CPNE4: variants seen among roughly 807,000 people sequenced by gnomAD.
CPNE4 encodes the protein copine 4.
CPNE4 carries 25 observed loss-of-function variants against 67.9 expected under a neutral mutation model. The observed-to-expected ratio is 0.37, with a 90% confidence interval of 0.27 to 0.51. CPNE4 has a LOEUF of 0.51. Ranked by LOEUF, CPNE4 falls within the 20% of genes least tolerant of loss-of-function variation. The pLI is 0.93. For synonymous variants in CPNE4, 242 were observed against 244.9 expected (o/e 0.99, Z 0.11); for missense variants, 464 against 690.8 (o/e 0.67, Z 3.68).
At chr3:132,016,042 G>A (rs2073882964) in intron 1 of CPNE4, among the ~76,000 whole-genome samples, 1 of 151,614 alleles carries the variant, frequency 6.6e-6, no homozygotes, top group African/African-American at 2.4e-5. Context: ...ATATCAATGA[G>A]TAAGAAAATT....
chr3:131,946,102 A>C (rs1395789401), intron 1 of CPNE4, among the ~76,000 whole-genome samples: 1 of 152,172 alleles, frequency 6.6e-6, no homozygotes, highest in Non-Finnish European at 1.5e-5. Flanking sequence ...TTATGCAACT[A>C]CCACCTCTAT....
At chr3:131,741,583 GA>G (rs1162518167) in intron 2 of CPNE4, among the ~76,000 whole-genome samples, 1 of 152,136 alleles carries the variant, frequency 6.6e-6, no homozygotes, top group African/African-American at 2.4e-5. Context: ...TAAGTTTTCT[GA>G]AAAATCTTAC....
intron 2 of CPNE4, among the ~76,000 whole-genome samples, chr3:131,814,555 T>G (rs1355989313): frequency 7.0e-6 from 1 of 142,358 alleles, no homozygotes; most frequent in South Asian, 2.3e-4. Context: ...AATGGAAGCA[T>G]AAAATATTGA....
chr3:131,631,145 C>T (rs1287073540), intron 7 of CPNE4, among the ~76,000 whole-genome samples: 1 of 152,106 alleles, frequency 6.6e-6, no homozygotes, highest in Non-Finnish European at 1.5e-5. Context: ...ATATGGCTAC[C>T]CTTGACCTTT....
At chr3:131,638,816 G>A (rs1419077412) in intron 7 of CPNE4, among the ~76,000 whole-genome samples, 2 of 152,032 alleles carry the variant, frequency 1.3e-5, no homozygotes, top group African/African-American at 4.8e-5. Flanking sequence ...ATTATATCAA[G>A]TACTCTCTCA....
At chr3:131,615,164 C>T (rs1381602151) in intron 7 of CPNE4, among the ~76,000 whole-genome samples, 1 of 152,170 alleles carries the variant, frequency 6.6e-6, no homozygotes, top group African/African-American at 2.4e-5. Flanking sequence ...TTGAGAACCA[C>T]TGTCTTAGAT....
intron 1 of CPNE4, among the ~76,000 whole-genome samples, chr3:132,014,073 A>T (rs901334860): frequency 2.6e-5 from 4 of 152,144 alleles, no homozygotes; most frequent in Non-Finnish European, 5.9e-5. Context: ...CCACTCTCCC[A>T]TGATGTAGAG....
intron 2 of CPNE4, among the ~76,000 whole-genome samples, chr3:131,770,744 A>G (rs778254771): frequency 1.3e-5 from 2 of 152,218 alleles, no homozygotes; most frequent in Non-Finnish European, 2.9e-5. Context: ...CCTAAGGTCC[A>G]GTTTATACTG....
intron 3 of CPNE4, among the ~76,000 whole-genome samples, chr3:131,710,483 G>A (rs868650042): frequency 1.1e-4 from 17 of 152,294 alleles, no homozygotes; most frequent in Middle Eastern, 6.8e-3. Context: ...GGGAAGAACT[G>A]CTACTCTACC....
At chr3:131,977,691 A>C (rs116354387) in intron 1 of CPNE4, among the ~76,000 whole-genome samples, 1,568 of 152,166 alleles carry the variant, frequency 0.01, 11 homozygotes, top group Non-Finnish European at 0.017. Flanking sequence ...TTTATTAAAA[A>C]TATTTTTTCA....
chr3:131,950,377 TA>T (rs918764440), intron 1 of CPNE4, among the ~76,000 whole-genome samples: 5 of 152,194 alleles, frequency 3.3e-5, no homozygotes, highest in African/African-American at 1.2e-4. Flanking sequence ...GCACTACTCT[TA>T]GGGGCCACTT....
At chr3:131,826,967 T>C (rs2085184341) in intron 2 of CPNE4, among the ~76,000 whole-genome samples, 1 of 152,098 alleles carries the variant, frequency 6.6e-6, no homozygotes, top group African/African-American at 2.4e-5. Context: ...AGCCCAGGAA[T>C]TTGAGGTTGC....
intron 7 of CPNE4, among the ~76,000 whole-genome samples, chr3:131,591,403 G>C (rs2038223937): frequency 6.6e-6 from 1 of 152,090 alleles, no homozygotes; most frequent in African/African-American, 2.4e-5. Flanking sequence ...TTCTTTAGGG[G>C]ACAGGGCACA....
At chr3:131,821,088 C>G (rs901227426) in intron 2 of CPNE4, among the ~76,000 whole-genome samples, 51 of 152,148 alleles carry the variant, frequency 3.4e-4, no homozygotes, top group African/African-American at 1.2e-3. Context: ...ATATTTGCCC[C>G]AGAAAACTGA....
chr3:131,901,279 G>T (rs2088542280), intron 2 of CPNE4, among the ~76,000 whole-genome samples: 1 of 152,094 alleles, frequency 6.6e-6, no homozygotes, highest in African/African-American at 2.4e-5. Flanking sequence ...AAAGCAGGAA[G>T]ATATTATTTC....
chr3:131,879,090 T>A (rs193235879), intron 2 of CPNE4, among the ~76,000 whole-genome samples: 74 of 152,336 alleles, frequency 4.9e-4, no homozygotes, highest in African/African-American at 1.7e-3. Context: ...TAACTATTAG[T>A]GAACTGAATC....
chr3:131,636,142 C>T (rs2079378811), intron 7 of CPNE4, among the ~76,000 whole-genome samples: 1 of 151,594 alleles, frequency 6.6e-6, no homozygotes, highest in African/African-American at 2.4e-5. Flanking sequence ...ATCCACAGAC[C>T]CTTTGAAGGA....
intron 3 of CPNE4, among the ~76,000 whole-genome samples, chr3:131,707,575 CCAGTAATTAG>C (rs1225622238): frequency 6.6e-6 from 1 of 152,196 alleles, no homozygotes; most frequent in African/African-American, 2.4e-5. Flanking sequence ...GGTTCCATAG[CCAGTAATTAG>C]CAGAGCTGGG....
chr3:131,673,427 T>C (rs1368276317), intron 6 of CPNE4, among the ~76,000 whole-genome samples: 1 of 152,118 alleles, frequency 6.6e-6, no homozygotes, highest in Admixed American at 6.6e-5. Flanking sequence ...CTTTGGGTAG[T>C]ATGCACATTT....
Sources: gnomAD v4.1 joint callset for allele counts (sites outside exome capture counted in the v4.1 genomes callset) on GRCh38, gnomAD v4.1.1 for gene constraint, MANE v1.5 for transcripts, NCBI Gene and HGNC (gene_info 2026-07-23, HGNC 2026-07-21) for gene names.